The following KDM5A variants were observed in gnomAD, a reference collection of about 807,000 sequenced individuals.
KDM5A encodes the protein lysine demethylase 5A.
Under a neutral mutation model 193.5 loss-of-function variants are expected in KDM5A, and 42 were observed. The observed-to-expected ratio is 0.22, with a 90% CI of 0.17 to 0.28. The LOEUF is 0.28. Among genes scored for constraint, KDM5A ranks in the 10% least tolerant of loss-of-function variants. The probability of loss-of-function intolerance (pLI) is 1.00; values close to 1 mark genes in which losing one functional copy is unlikely to be tolerated. For missense variants in KDM5A, 1,692 were observed against 2,055.1 expected, an observed-to-expected ratio of 0.82 and a Z score of 3.42; for synonymous variants, 796 against 718.1, an observed-to-expected ratio of 1.11 and a Z score of -1.73.
chr12:293,569 A>T (rs1943328445), intron 26 of KDM5A, among the ~76,000 whole-genome samples: 1 of 152,110 alleles, frequency 6.6e-6, no homozygotes. Context: ...ACTTGAGGTC[A>T]GGAGTTCAAG....
intron 3 of KDM5A, among the ~76,000 whole-genome samples, chr12:371,908 C>A (rs1037213110): frequency 6.6e-6 from 1 of 152,146 alleles, no homozygotes; most frequent in Non-Finnish European, 1.5e-5. Context: ...CAGACGGTTG[C>A]AGATGTATGG....
rs2137365552 is a variant in KDM5A, at chr12:293,047, C to T, written c.4578G>A (p.Glu1526=). Residue 1526 remains glutamate (E), a synonymous_variant, in exon 27 of 28, where the codon GAG becomes GAA. Coordinates refer to ENST00000399788, the MANE Select transcript of KDM5A (RefSeq NM_001042603.3). ...LFGEGKQKSK[E]LKKMDKPRKK... ...TTCTAGGTTTGTCCATTTTCTTTAACTCCTTGGACTTCTGTTTTCCTTCTC... is the reference window on the plus strand; with the variant it reads ...TTCTAGGTTTGTCCATTTTCTTTAATTCCTTGGACTTCTGTTTTCCTTCTC... 1 of 1,584,480 alleles carries T rather than the reference C, an allele frequency of 6.3e-7. No homozygotes were observed. Among genetic ancestry groups the T allele is most frequent in the Non-Finnish European group, 8.5e-7 (1 of 1,172,282 alleles).
Position 284,284 on chromosome 12 carries a change from CAGT to C in KDM5A, c.*1169_*1171del, listed in dbSNP as rs1274502787. The C allele has an allele frequency of 4.4e-6, 1 of 228,170 alleles. No homozygotes were observed. The highest frequency in any genetic ancestry group is 2.2e-5 in the African/African-American group (1 of 44,774). The allele number at this position is 228,170 out of a possible 1,614,324, so 14.1% of individuals were successfully genotyped here. On this transcript the variant is annotated 3_prime_UTR_variant, in exon 28 of 28. Transcript: ENST00000399788. ...AAAAATAATCTATGTATAGAACAGT[CAGT>C]AGTCAGAGACATTTAGAAAAAAGTA...
chr12:301,354 G>C (rs1943439175), intron 24 of KDM5A, among the ~76,000 whole-genome samples: 1 of 152,170 alleles, frequency 6.6e-6, no homozygotes, highest in African/African-American at 2.4e-5. Flanking sequence ...TTCGTCCCCA[G>C]GATGCAAGGC....
At chr12:351,662 T>C (rs144990460) in intron 9 of KDM5A, among the ~76,000 whole-genome samples, 4 of 152,232 alleles carry the variant, frequency 2.6e-5, no homozygotes, top group South Asian at 2.1e-4. Flanking sequence ...AGGGCTAAAA[T>C]AACAATTCAA....
chr12:380,815 GAC>G (rs942766367), intron 3 of KDM5A, among the ~76,000 whole-genome samples: 2 of 151,530 alleles, frequency 1.3e-5, no homozygotes, highest in African/African-American at 2.4e-5. Flanking sequence ...TTTTTTTTCA[GAC>G]ACAGTTTCAC....
chr12:359,128 T>C (rs1358619618), intron 5 of KDM5A, among the ~76,000 whole-genome samples: 1 of 152,008 alleles, frequency 6.6e-6, no homozygotes, highest in Non-Finnish European at 1.5e-5. Flanking sequence ...CTCAGAACAC[T>C]AGGAAAAAAC....
Position 282,897 on chromosome 12 carries a change from G to C in KDM5A, c.*2559C>G, listed in dbSNP as rs2137350946. 1 of 232,368 alleles carries C rather than the reference G, an allele frequency of 4.3e-6. No homozygotes were observed. Among genetic ancestry groups the C allele is most frequent in the Middle Eastern group, 1.3e-3 (1 of 778 alleles). 14.4% of individuals were successfully genotyped at this position (232,368 alleles called of 1,614,324 possible). On this transcript the variant is annotated 3_prime_UTR_variant, in exon 28 of 28. Coordinates refer to ENST00000399788, the MANE Select transcript of KDM5A (RefSeq NM_001042603.3). ...TCATTAATTCCAAAACCGCAGATTT[G>C]TGTATTTTTTGTTTTGCCATTAATT... is the stretch of plus-strand genomic sequence containing the variant.
chr12:343,753 A>T (rs973419692), intron 10 of KDM5A, among the ~76,000 whole-genome samples: 1 of 152,222 alleles, frequency 6.6e-6, no homozygotes, highest in Non-Finnish European at 1.5e-5. Context: ...CCAAAACCCC[A>T]TCTGTAGATC....
At chr12:387,171 T>C in intron 1 of KDM5A, 1 of 296,574 alleles carries the variant, frequency 3.4e-6, no homozygotes, top group Non-Finnish European at 6.5e-6. Flanking sequence ...TAACATAGTT[T>C]GATTTGGCCT....
At chr12:340,848 T>C (rs373298322) in intron 10 of KDM5A, among the ~76,000 whole-genome samples, 2 of 152,050 alleles carry the variant, frequency 1.3e-5, no homozygotes, top group South Asian at 2.1e-4. Flanking sequence ...AAAACATGCA[T>C]AGACCATCCA....
chr12:356,608 A>C, intron 5 of KDM5A, 71 bp from the exon 6 acceptor site: 1 of 972,900 alleles, frequency 1.0e-6, no homozygotes, highest in East Asian at 2.4e-5. Flanking sequence ...ACCCAAGGAA[A>C]GTTTCAGAAT....
chr12:331,790 G>A (rs373289433), intron 13 of KDM5A, 29 bp downstream of exon 13: 55 of 1,612,984 alleles, frequency 3.4e-5, no homozygotes, highest in Non-Finnish European at 4.4e-5. Flanking sequence ...GTTAGTAGAC[G>A]TACAACAGCC....
chr12:291,195 C>T (rs1456171274), intron 27 of KDM5A, among the ~76,000 whole-genome samples: 1 of 152,036 alleles, frequency 6.6e-6, no homozygotes, highest in East Asian at 1.9e-4. Flanking sequence ...TGATATAAAA[C>T]AAACGCCATA....
intron 3 of KDM5A, among the ~76,000 whole-genome samples, chr12:366,911 A>T (rs1295590885): frequency 6.6e-6 from 1 of 152,234 alleles, no homozygotes; most frequent in Non-Finnish European, 1.5e-5. Context: ...CCATATTCTT[A>T]CTGAACCTTT....
At chr12:388,621 CGTCAT>C (rs1215639096) in intron 1 of KDM5A, 1 of 459,688 alleles carries the variant, frequency 2.2e-6, no homozygotes, top group African/African-American at 2.0e-5. Context: ...GAATACGTCA[CGTCAT>C]AATACTGTAC....
At chr12:358,985 A>G (rs902972064) in intron 5 of KDM5A, among the ~76,000 whole-genome samples, 1 of 91,706 alleles carries the variant, frequency 1.1e-5, no homozygotes, top group African/African-American at 2.9e-5. Context: ...AAATAAATAA[A>G]TAATAAAAAA....
intron 24 of KDM5A, among the ~76,000 whole-genome samples, chr12:299,814 C>T (rs553028980): frequency 1.3e-5 from 2 of 152,012 alleles, no homozygotes; most frequent in South Asian, 2.1e-4. Context: ...CTCACAAAGA[C>T]GCACATAGGC....
At position 281,615 on chromosome 12, in the gene KDM5A, T is replaced by C; in HGVS notation, c.*3841A>G. 4.3e-6 allele frequency: 1 copy of C among 233,948 alleles called. No homozygotes were observed. Among genetic ancestry groups the C allele is most frequent in the Non-Finnish European group, 8.4e-6 (1 of 118,508 alleles). 14.5% of individuals were successfully genotyped at this position (233,948 alleles called of 1,614,324 possible). A position where few individuals can be genotyped will look rare whatever the true frequency, so the allele number is the denominator to read the frequency against. ...ACCTTCTACACACATATGGAGCTAA[T>C]TCACATGTGAAGCTTTATTAAATCT... On this transcript the variant is annotated 3_prime_UTR_variant, in exon 28 of 28. Coordinates refer to ENST00000399788, the MANE Select transcript of KDM5A (RefSeq NM_001042603.3).
Sources: allele counts gnomAD v4.1 joint callset (sites outside exome capture counted in the v4.1 genomes callset), GRCh38; gene constraint gnomAD v4.1.1; transcripts MANE v1.5; gene names NCBI Gene and HGNC (gene_info 2026-07-23, HGNC 2026-07-21).